Variants in DEFB114 observed in about 807,000 individuals in gnomAD.
DEFB114 encodes defensin beta 114.
In DEFB114, 4 loss-of-function variants were observed where a neutral mutation model predicts 2.4. The ratio of observed to expected loss-of-function variants is 1.67; its 90% CI spans 0.82 to 3.82. The LOEUF is 3.82. DEFB114 is among the 30% of genes most tolerant of loss of function. The pLI is 0.01. For synonymous variants in DEFB114, 35 were observed against 24.6 expected (o/e 1.42, Z -1.26); for missense variants, 113 against 85.8 (o/e 1.32, Z -1.25).
intron 1 of DEFB114, among the ~76,000 whole-genome samples, chr6:49,963,535 T>C (rs776528192): frequency 1.2e-4 from 18 of 149,948 alleles, no homozygotes; most frequent in Non-Finnish European, 2.0e-4. Flanking sequence ...TTTTTAGATA[T>C]ATGGATATAA....
chr6:49,960,400 A>C lies in DEFB114; in HGVS notation c.102T>G (p.Gly34=), dbSNP rs200188751. 1.2e-6 allele frequency: 2 copies of C among 1,607,996 alleles called. No homozygotes were observed. The highest frequency in any genetic ancestry group is 2.7e-5 in the African/African-American group (2 of 74,324). Residue 34 remains glycine (G), a synonymous_variant, in exon 2 of 2, where the codon GGT becomes GGG. Transcript: ENST00000322066. ...TCTCAAGACAGTCTCTTTTACAACG[A>C]CCGTAACGTTTGGTGCAACGATCAG... ...VNADRCTKRY[G]RCKRDCLESE...
Position 49,960,437 on chromosome 6 carries a change from G to C in DEFB114, c.65C>G (p.Thr22Ser). The C allele has an allele frequency of 6.3e-7, 1 of 1,591,082 alleles. No individual in the cohort carries two copies. Reference protein sequence around the residue: ...YVTFILPATCTLVNADRCTKR... With the variant: ...YVTFILPATCSLVNADRCTKR... ...GGTGCAACGATCAGCATTCACCAAG[G>C]TACATGTGGCTACGGTAAAAGAAGA... The change falls in exon 2 of 2, where the codon ACC becomes AGC. Residue 22 changes from threonine (T) to serine (S), a missense_variant. By Grantham distance (58) the Thr-to-Ser change is moderately conservative. Transcript: ENST00000322066.
At position 49,964,072 on chromosome 6, in the gene DEFB114, AAC is replaced by A. The variant is rs1173662642; in HGVS notation, c.32_33del (p.Cys11LeufsTer16). Reference protein sequence around the residue: MRIFYYLHFLCYVTFILPATC... With the variant: MRIFYYLHFLXYVTFILPATC... ...TTACCTGGTAGAATGAAGGTCACATAACACAGAAAATGGAGATAGTAAAAGAT... is the reference window on the plus strand; with the variant it reads ...TTACCTGGTAGAATGAAGGTCACATAACAGAAAATGGAGATAGTAAAAGAT... On this transcript the variant is annotated frameshift_variant, in exon 1 of 2. Transcript: ENST00000322066. LOFTEE classifies it low-confidence loss of function (END_TRUNC). The A allele has an allele frequency of 6.3e-7, 1 of 1,587,462 alleles. No homozygotes were observed. Among genetic ancestry groups the A allele is most frequent in the African/African-American group, 1.4e-5 (1 of 73,340 alleles).
chr6:49,962,599 C>A (rs1773480882), intron 1 of DEFB114, among the ~76,000 whole-genome samples: 1 of 150,188 alleles, frequency 6.7e-6, no homozygotes, highest in Non-Finnish European at 1.5e-5. Flanking sequence ...TTAATGTAGT[C>A]AATACTATTT....
At chr6:49,962,738 T>G (rs1773482986) in intron 1 of DEFB114, among the ~76,000 whole-genome samples, 1 of 150,370 alleles carries the variant, frequency 6.7e-6, no homozygotes, top group Non-Finnish European at 1.5e-5. Context: ...GAATGAGATT[T>G]TGGATGTGGT....
rs17736782 is a variant in DEFB114 at position 49,960,403 on chromosome 6, G to A, written c.99C>T (p.Tyr33=). The change falls in exon 2 of 2, where the codon TAC becomes TAT. Residue 33 remains tyrosine, a synonymous_variant. Transcript: ENST00000322066. The part of the protein sequence containing the change: ...LVNADRCTKR[Y]GRCKRDCLES... Reference sequence around the variant, plus strand: ...CAAGACAGTCTCTTTTACAACGACCGTAACGTTTGGTGCAACGATCAGCAT... The same window carrying A: ...CAAGACAGTCTCTTTTACAACGACCATAACGTTTGGTGCAACGATCAGCAT... The A allele has an allele frequency of 0.12, 185,338 of 1,606,388 alleles. 11,900 individuals are homozygous for A. The highest frequency in any genetic ancestry group is 0.13 in the Non-Finnish European group (151,395 of 1,175,552).
intron 1 of DEFB114, 106 bp from the exon 2 acceptor site, chr6:49,960,552 C>G (rs1425825333): frequency 2.4e-6 from 3 of 1,227,440 alleles, no homozygotes; most frequent in East Asian, 5.6e-5. Context: ...TTAGAAAATA[C>G]CAAAAAAAAA....
At chr6:49,963,961 A>G in intron 1 of DEFB114, 90 bp downstream of exon 1, 1 of 949,044 alleles carries the variant, frequency 1.1e-6, no homozygotes, top group East Asian at 2.7e-5. Flanking sequence ...ATAAGATTGC[A>G]TTAAAAATTT....
At chr6:49,961,975 T>C (rs966379998) in intron 1 of DEFB114, among the ~76,000 whole-genome samples, 1 of 150,780 alleles carries the variant, frequency 6.6e-6, no homozygotes, top group African/African-American at 2.4e-5. Context: ...CATTATCATA[T>C]AGTGGACTGT....
chr6:49,961,396 A>T (rs958531117), intron 1 of DEFB114, among the ~76,000 whole-genome samples: 4 of 150,710 alleles, frequency 2.7e-5, no homozygotes, highest in Non-Finnish European at 3.0e-5. Context: ...TTAAATGATT[A>T]AATAATTATT....
rs181685855 is a variant in DEFB114 at position 49,960,450 on chromosome 6, C to T, written c.56-4G>A. The T allele has an allele frequency of 9.4e-5, 149 of 1,577,476 alleles. No homozygotes were observed. Among genetic ancestry groups the T allele is most frequent in the South Asian group, 6.4e-4 (55 of 85,482 alleles). ...GCATTCACCAAGGTACATGTGGCTA[C>T]GGTAAAAGAAGAGTAACAGAAATTC... On this transcript the variant is annotated splice_region_variant and splice_polypyrimidine_tract_variant and intron_variant, in intron 1 of 1. Transcript: ENST00000322066.
At chr6:49,962,583 C>T (rs1358412958) in intron 1 of DEFB114, among the ~76,000 whole-genome samples, 1 of 150,348 alleles carries the variant, frequency 6.7e-6, no homozygotes, top group Non-Finnish European at 1.5e-5. Flanking sequence ...CAAAAGTTTC[C>T]AAATTTTAAT....
chr6:49,963,942 A>C lies in DEFB114; in HGVS notation c.55+109T>G, dbSNP rs1197085571. On this transcript the variant is annotated intron_variant, in intron 1 of 1. Transcript: ENST00000322066. ...AAGATTCAGTATAATAAAGACACTT[A>C]TTTAATTGATAAGATTGCATTAAAA... 4 of 789,368 alleles carry C rather than the reference A, an allele frequency of 5.1e-6. No individual in the cohort carries two copies. In the East Asian group the frequency reaches 1.1e-4, roughly 22 times the overall value. The allele number at this position is 789,368 out of a possible 1,614,324, so 48.9% of individuals were successfully genotyped here. A position where few individuals can be genotyped will look rare whatever the true frequency, so the allele number is the denominator to read the frequency against.
intron 1 of DEFB114, among the ~76,000 whole-genome samples, chr6:49,960,910 A>G (rs1773448393): frequency 6.6e-6 from 1 of 150,914 alleles, no homozygotes; most frequent in South Asian, 2.1e-4. Context: ...TACTGCCACA[A>G]AAATTTATGC....
At chr6:49,960,588 A>C (rs965993941) in intron 1 of DEFB114, 142 bp from the exon 2 acceptor site, 9 of 723,038 alleles carry the variant, frequency 1.2e-5, no homozygotes, top group Non-Finnish European at 1.6e-5. Context: ...CTTATACCCC[A>C]TGTATATATA....
intron 1 of DEFB114, among the ~76,000 whole-genome samples, chr6:49,961,215 T>C (rs1386744498): frequency 6.6e-6 from 1 of 150,776 alleles, no homozygotes; most frequent in African/African-American, 2.4e-5. Flanking sequence ...GTAAACAATT[T>C]TGTATTTTTA....
intron 1 of DEFB114, among the ~76,000 whole-genome samples, 196 bp downstream of exon 1, chr6:49,963,855 C>T: frequency 6.7e-6 from 1 of 149,958 alleles, no homozygotes; most frequent in South Asian, 2.1e-4. Context: ...ATTTTATCTA[C>T]ATATTTGGAG....
intron 1 of DEFB114, among the ~76,000 whole-genome samples, chr6:49,961,182 C>T (rs1191611565): frequency 6.6e-6 from 1 of 150,480 alleles, no homozygotes; most frequent in African/African-American, 2.4e-5. Flanking sequence ...TTACAAGATA[C>T]ATAAATATTC....
chr6:49,960,382 A>G lies in DEFB114; in HGVS notation c.120T>C (p.Cys40=). 6.2e-7 allele frequency: 1 copy of G among 1,608,822 alleles called. No individual in the cohort carries two copies. The highest frequency in any genetic ancestry group is 2.2e-5 in the East Asian group (1 of 44,702). Residue 40 remains cysteine (C), a synonymous_variant, in exon 2 of 2, where the codon TGT becomes TGC. Transcript: ENST00000322066. ...TGTCTATTTGCTTTTCACTCTCAAG[A>G]CAGTCTCTTTTACAACGACCGTAAC... ...TKRYGRCKRD[C]LESEKQIDIC...
Sources: allele counts gnomAD v4.1 joint callset (sites outside exome capture counted in the v4.1 genomes callset), GRCh38; gene constraint gnomAD v4.1.1; transcripts MANE v1.5; gene names NCBI Gene and HGNC (gene_info 2026-07-23, HGNC 2026-07-21).